The following SYPL1 variants were observed in gnomAD, a reference collection of about 807,000 sequenced individuals.
SYPL1 encodes the protein synaptophysin-like protein 1.
SYPL1 carries 6 observed loss-of-function variants against 23.7 expected under a neutral mutation model. The ratio of observed to expected loss-of-function variants is 0.25; its 90% CI spans 0.14 to 0.50. The LOEUF (loss-of-function observed/expected upper bound fraction) is 0.50, where lower values mean the gene tolerates loss of function less well. Ranked by LOEUF, SYPL1 falls within the 20% of genes least tolerant of loss-of-function variation. SYPL1 has a pLI of 0.98. For missense variants in SYPL1, 253 were observed against 288.9 expected (o/e 0.88, Z 0.90); for synonymous variants, 102 against 104.5 (o/e 0.98, Z 0.15).
chr7:106,093,548 CCCAA>C (rs1258558852), intron 3 of SYPL1, among the ~76,000 whole-genome samples: 2 of 69,698 alleles, frequency 2.9e-5, no homozygotes, highest in Non-Finnish European at 4.6e-5. Flanking sequence ...TCTCTGGCAC[CCCAA>C]TCCTAAAACT....
chr7:106,094,310 C>A (rs1277991493), intron 3 of SYPL1, among the ~76,000 whole-genome samples: 1 of 151,924 alleles, frequency 6.6e-6, no homozygotes, highest in Admixed American at 6.6e-5. Flanking sequence ...ATTTTTGTAC[C>A]AACCTAATAT....
Position 106,100,777 on chromosome 7 carries a change from A to G in SYPL1, c.70-1495T>C, listed in dbSNP as rs1840269353. On this transcript the variant is annotated intron_variant, in intron 1 of 4. Coordinates refer to ENST00000455385, the MANE Select transcript of SYPL1 (RefSeq NM_182715.4). This position sits in a 1 kb window ranked among gnomAD's most constrained non-coding sequence, Gnocchi z 5.1. ...TGTTATCAACACAACAGCCAAGACA[A>G]TCTTTTAAAAATGTAAGGCAGAAAA... 6.6e-6 allele frequency among the ~76,000 whole-genome samples: 1 copy of G among 152,192 alleles called. No individual in the cohort carries two copies. Among genetic ancestry groups the G allele is most frequent in the Non-Finnish European group, 1.5e-5 (1 of 68,024 alleles).
intron 2 of SYPL1, 126 bp downstream of exon 2, chr7:106,099,032 T>G: frequency 8.4e-7 from 1 of 1,183,592 alleles, no homozygotes; most frequent in Non-Finnish European, 1.2e-6. Flanking sequence ...GAGGTAATGA[T>G]CACTTACAAA....
In SYPL1 at chr7:106,104,408, G is replaced by C. The variant is rs1840484860; in HGVS notation, c.70-5126C>G. 6.6e-6 allele frequency among the ~76,000 whole-genome samples: 1 copy of C among 152,050 alleles called. No individual in the cohort carries two copies. Among genetic ancestry groups the C allele is most frequent in the Non-Finnish European group, 1.5e-5 (1 of 68,014 alleles). On this transcript the variant is annotated intron_variant, in intron 1 of 4. Transcript: ENST00000455385. The surrounding 1 kb of genome is among the most constrained non-coding windows in gnomAD (Gnocchi z 4.1). Reference sequence around the variant, plus strand: ...TAAAATAAAATAAAAAAATTAAATGGAAAAATGAATTTCCTAATATAACAA... The same window carrying C: ...TAAAATAAAATAAAAAAATTAAATGCAAAAATGAATTTCCTAATATAACAA...
In SYPL1 at chr7:106,096,222, T is replaced by C. The variant is rs1840012218; in HGVS notation, c.402+1468A>G. On this transcript the variant is annotated intron_variant, in intron 3 of 4. Coordinates refer to ENST00000455385, the MANE Select transcript of SYPL1 (RefSeq NM_182715.4). The surrounding 1 kb of genome is among the most constrained non-coding windows in gnomAD (Gnocchi z 4.4). ...AGAAGTATTTTATGAAAACCTCTAGTTTTCTTGTGTCTCCTATGACATAAG... is the reference window on the plus strand; with the variant it reads ...AGAAGTATTTTATGAAAACCTCTAGCTTTCTTGTGTCTCCTATGACATAAG... The C allele has an allele frequency of 6.6e-6, 1 of 152,192 alleles. No individual in the cohort carries two copies. Among genetic ancestry groups the C allele is most frequent in the African/African-American group, 2.4e-5 (1 of 41,460 alleles). 9.4% of individuals were successfully genotyped at this position (152,192 alleles called of 1,614,324 possible).
chr7:106,106,642 C>T (rs1459963305), intron 1 of SYPL1, among the ~76,000 whole-genome samples: 2 of 151,412 alleles, frequency 1.3e-5, no homozygotes, highest in South Asian at 2.1e-4. Context: ...CCCAGGGGTT[C>T]GAGACTGGCC....
At chr7:106,107,742 C>CAAA (rs10622990) in intron 1 of SYPL1, among the ~76,000 whole-genome samples, 13,914 of 78,886 alleles carry the variant, frequency 0.18, 963 homozygotes, top group East Asian at 0.34. Context: ...ACTCCGTCTC[C>CAAA]AAAAAAAAAA....
At chr7:106,094,488 C>T (rs1440985241) in intron 3 of SYPL1, among the ~76,000 whole-genome samples, 1 of 152,184 alleles carries the variant, frequency 6.6e-6, no homozygotes, top group Non-Finnish European at 1.5e-5. Context: ...CTCTCTGCTG[C>T]TACTTGTCCT....
chr7:106,111,441 G>T (rs989460790), intron 1 of SYPL1, among the ~76,000 whole-genome samples: 2 of 152,164 alleles, frequency 1.3e-5, no homozygotes, highest in Admixed American at 6.5e-5. Flanking sequence ...GTTAATGATT[G>T]TGAGTGTTCT....
chr7:106,112,560 T>C, upstream of SYPL1: 1 of 1,493,680 alleles, frequency 6.7e-7, no homozygotes, highest in Non-Finnish European at 8.9e-7. Context: ...TTCCCTGCGG[T>C]TCAGCCCCTG....
rs1840049642 is a variant in SYPL1 at position 106,097,042 on chromosome 7, T to TC, written c.402+647dup. 6.6e-6 allele frequency among the ~76,000 whole-genome samples: 1 copy of TC among 152,122 alleles called. No individual in the cohort carries two copies. Among genetic ancestry groups the TC allele is most frequent in the Non-Finnish European group, 1.5e-5 (1 of 68,014 alleles). On this transcript the variant is annotated intron_variant, in intron 3 of 4. Transcript: ENST00000455385. This position sits in a 1 kb window ranked among gnomAD's most constrained non-coding sequence, Gnocchi z 4.6. ...CCAGCCTGGGCAACATGGTAAAACT[T>TC]CGTCTTTACAAAAATACACAAAAAG...
chr7:106,103,640 T>C (rs987643935), intron 1 of SYPL1, among the ~76,000 whole-genome samples: 4 of 152,256 alleles, frequency 2.6e-5, no homozygotes, highest in African/African-American at 7.2e-5. Context: ...AATTTTTATA[T>C]TGACGACTTG....
At chr7:106,098,479 T>C (rs1354669143) in intron 2 of SYPL1, among the ~76,000 whole-genome samples, 1 of 152,220 alleles carries the variant, frequency 6.6e-6, no homozygotes, top group African/African-American at 2.4e-5. Context: ...GGGGATTTTA[T>C]TTAATCATCA....
chr7:106,112,517 T>C, upstream of SYPL1: 2 of 1,522,962 alleles, frequency 1.3e-6, no homozygotes, highest in Non-Finnish European at 1.8e-6. Context: ...ACCAAGTAGA[T>C]GTTGGGCGCC....
chr7:106,091,945 A>G lies in SYPL1; in HGVS notation c.592-6T>C. On this transcript the variant is annotated splice_polypyrimidine_tract_variant and splice_region_variant and intron_variant, in intron 4 of 4. Transcript: ENST00000455385. The surrounding 1 kb of genome is among the most constrained non-coding windows in gnomAD (Gnocchi z 5.0). Reference sequence around the variant, plus strand: ...ATATTTAGAAAGCCAAATATCTATGAAAGAGAAAAAGAAATATGAAAATCA... The same window carrying G: ...ATATTTAGAAAGCCAAATATCTATGGAAGAGAAAAAGAAATATGAAAATCA... 6.3e-7 allele frequency: 1 copy of G among 1,592,240 alleles called. No individual in the cohort carries two copies. Among genetic ancestry groups the G allele is most frequent in the Admixed American group, 1.9e-5 (1 of 53,048 alleles).
At chr7:106,102,801 C>G (rs1450769992) in intron 1 of SYPL1, among the ~76,000 whole-genome samples, 1 of 152,104 alleles carries the variant, frequency 6.6e-6, no homozygotes, top group South Asian at 2.1e-4. Flanking sequence ...CAATAGATAA[C>G]TAATACAAGG....
At chr7:106,111,717 C>G (rs907164459) in intron 1 of SYPL1, 1 of 153,280 alleles carries the variant, frequency 6.5e-6, no homozygotes, top group African/African-American at 2.4e-5. Flanking sequence ...AGCTAGACCT[C>G]GAGTGGGCAC....
chr7:106,091,864 G>A lies in SYPL1; in HGVS notation c.667C>T (p.Pro223Ser), dbSNP rs757039995. ...FVYKETSLHSPSNTSAPHSQG... is the reference protein window; with the variant it reads ...FVYKETSLHSSSNTSAPHSQG... ...CTATGAGGGGCAGATGTATTTGATGGACTGTGTAGGCTGGTCTCCTTGTAC... is the reference window on the plus strand; with the variant it reads ...CTATGAGGGGCAGATGTATTTGATGAACTGTGTAGGCTGGTCTCCTTGTAC... Residue 223 changes from proline to serine, a missense_variant, in exon 5 of 5, where the codon CCA (proline) becomes TCA (serine). By Grantham distance (74) the Pro-to-Ser change is moderately conservative (BLOSUM62 -1). Coordinates refer to ENST00000455385, the MANE Select transcript of SYPL1 (RefSeq NM_182715.4). The surrounding 1 kb of genome is among the most constrained non-coding windows in gnomAD (Gnocchi z 5.0). The A allele has an allele frequency of 6.2e-7, 1 of 1,613,740 alleles. No individual in the cohort carries two copies. The highest frequency in any genetic ancestry group is 8.5e-7 in the Non-Finnish European group (1 of 1,179,804).
At chr7:106,092,778 C>A (rs1585933583) in intron 4 of SYPL1, 171 bp downstream of exon 4, 2 of 558,254 alleles carry the variant, frequency 3.6e-6, no homozygotes, top group Non-Finnish European at 6.1e-6. Flanking sequence ...ACAGGTAATA[C>A]TTTTTTTAGA....
Sources: allele counts gnomAD v4.1 joint callset (sites outside exome capture counted in the v4.1 genomes callset), GRCh38; gene constraint gnomAD v4.1.1; non-coding constraint Gnocchi (gnomAD v3.1); transcripts MANE v1.5; gene names NCBI Gene and HGNC (gene_info 2026-07-23, HGNC 2026-07-21).